Variants in PDE1A observed in about 807,000 individuals in gnomAD.
The protein encoded by PDE1A is phosphodiesterase 1A.
In PDE1A, 35 loss-of-function variants were observed where a neutral mutation model predicts 61.7. That is an observed-to-expected ratio of 0.57 (90% CI 0.43 to 0.75). PDE1A has a LOEUF of 0.75. PDE1A is among the 30% of genes least tolerant of loss of function. PDE1A has a pLI of 0.00. For missense variants in PDE1A, 597 were observed against 630.6 expected (o/e 0.95, Z 0.57); for synonymous variants, 232 against 213.2 (o/e 1.09, Z -0.77).
chr2:182,374,302 A>C (rs1325024894), intron 1 of PDE1A, among the ~76,000 whole-genome samples: 1 of 152,034 alleles, frequency 6.6e-6, no homozygotes, highest in African/African-American at 2.4e-5. Flanking sequence ...TTTATCCCCC[A>C]CCTCACACCA....
chr2:182,461,699 A>G (rs1482904610), intron 2 of PDE1A, among the ~76,000 whole-genome samples: 1 of 152,176 alleles, frequency 6.6e-6, no homozygotes, highest in African/African-American at 2.4e-5. Context: ...CGTAGGACCT[A>G]TAAATGAAGA....
chr2:182,673,168 A>G, the PDE1A span, among the ~76,000 whole-genome samples: 152,002 of 152,324 alleles, frequency 1, 75,840 homozygotes, highest in Middle Eastern at 1. Flanking sequence ...TGCCATTTTA[A>G]ACATATCATT....
the PDE1A span, among the ~76,000 whole-genome samples, chr2:182,700,539 C>T: frequency 1.2e-3 from 184 of 151,594 alleles, no homozygotes; most frequent in African/African-American, 3.8e-3. Context: ...CTGGCCAACA[C>T]GGTGAAACCC....
At chr2:182,247,095 C>T (rs560719736) in intron 2 of PDE1A, among the ~76,000 whole-genome samples, 2 of 152,226 alleles carry the variant, frequency 1.3e-5, no homozygotes, top group South Asian at 4.1e-4. Context: ...GGAGCAAATT[C>T]ACTGCTGCCA....
intron 2 of PDE1A, among the ~76,000 whole-genome samples, chr2:182,485,894 A>T (rs977490345): frequency 1.8e-4 from 28 of 152,038 alleles, no homozygotes; most frequent in Non-Finnish European, 5.9e-5. Context: ...CTTAAGACAG[A>T]ACTAAGGCAA....
chr2:182,263,085 A>G (rs73032412), intron 2 of PDE1A, among the ~76,000 whole-genome samples: 1 of 151,962 alleles, frequency 6.6e-6, no homozygotes, highest in African/African-American at 2.4e-5. Flanking sequence ...ATCTTCCCCA[A>G]GCTTAGGCCT....
chr2:182,525,093 G>A (rs774882033), upstream of PDE1A, among the ~76,000 whole-genome samples: 4 of 152,020 alleles, frequency 2.6e-5, no homozygotes, highest in Non-Finnish European at 5.9e-5. Flanking sequence ...GTTTCTTCAT[G>A]TATAAAATGA....
At chr2:182,158,130 G>A (rs1056154765) in intron 13 of PDE1A, among the ~76,000 whole-genome samples, 29 of 152,326 alleles carry the variant, frequency 1.9e-4, no homozygotes, top group African/African-American at 6.0e-4. Context: ...GTTTGTGAAC[G>A]TAGTGGTGGA....
At chr2:182,681,770 C>T in the PDE1A span, among the ~76,000 whole-genome samples, 19 of 152,132 alleles carry the variant, frequency 1.2e-4, no homozygotes, top group South Asian at 6.2e-4. Flanking sequence ...CTCAGCCTCC[C>T]GAGTAGCTGG....
At chr2:182,428,119 A>T (rs960679624), upstream of PDE1A, among the ~76,000 whole-genome samples, 7 of 152,136 alleles carry the variant, frequency 4.6e-5, no homozygotes, top group Non-Finnish European at 8.8e-5. Context: ...CCAAACTAGG[A>T]AATGTAATCA....
the PDE1A span, among the ~76,000 whole-genome samples, chr2:182,651,484 A>G: frequency 3.3e-5 from 5 of 152,238 alleles, no homozygotes; most frequent in South Asian, 6.2e-4. Flanking sequence ...ACCTATCTAC[A>G]TAGTTAGAAC....
the PDE1A span, among the ~76,000 whole-genome samples, chr2:182,626,077 T>G: frequency 3.3e-5 from 5 of 152,230 alleles, no homozygotes; most frequent in South Asian, 2.1e-4. Flanking sequence ...TGCTCCCTGC[T>G]GCCTTTGAAA....
chr2:182,275,783 T>G (rs1693366078), intron 1 of PDE1A, among the ~76,000 whole-genome samples: 1 of 152,134 alleles, frequency 6.6e-6, no homozygotes, highest in Non-Finnish European at 1.5e-5. Context: ...GCCATTTTAT[T>G]GAAACATTGC....
chr2:182,236,870 T>C (rs191862525), intron 3 of PDE1A, among the ~76,000 whole-genome samples: 1 of 152,266 alleles, frequency 6.6e-6, no homozygotes, highest in East Asian at 1.9e-4. Context: ...ACAAAGAGGA[T>C]TACCCTTCCA....
At chr2:182,704,328 C>A in the PDE1A span, among the ~76,000 whole-genome samples, 2 of 152,004 alleles carry the variant, frequency 1.3e-5, no homozygotes, top group African/African-American at 2.4e-5. Flanking sequence ...GAAGTTGCTG[C>A]AGCTATTCAG....
Position 182,212,461 on chromosome 2 carries a change from A to G in PDE1A, c.777-6396T>C, listed in dbSNP as rs531786337. 8.5e-5 allele frequency among the ~76,000 whole-genome samples: 13 copies of G among 152,304 alleles called. No homozygotes were observed. The East Asian group carries it at 2.5e-3, about 30-fold the overall frequency. On this transcript the variant is annotated intron_variant, in intron 7 of 13. Coordinates refer to ENST00000351439, the Ensembl canonical transcript of PDE1A. ...GCTCCGGTCTACAGCTCCCAGCGTG[A>G]GCGACGCAGAAGACGGTGATTTCTG...
the PDE1A span, among the ~76,000 whole-genome samples, chr2:182,592,989 G>A: frequency 6.6e-6 from 1 of 152,054 alleles, no homozygotes; most frequent in Non-Finnish European, 1.5e-5. Flanking sequence ...CCACCTAGAA[G>A]GAGGTTCAGT....
At chr2:182,517,082 G>A (rs1475426271) in intron 2 of PDE1A, among the ~76,000 whole-genome samples, 1 of 152,158 alleles carries the variant, frequency 6.6e-6, no homozygotes, top group African/African-American at 2.4e-5. Flanking sequence ...GAGTTTTAAG[G>A]AGAACCATTG....
exon 8 of PDE1A, chr2:182,206,009 C>T: frequency 1.2e-6 from 2 of 1,612,518 alleles, no homozygotes; most frequent in Non-Finnish European, 1.7e-6. Flanking sequence ...ATAAGCTGCA[C>T]TCACGTGGTG....
Sources: allele counts gnomAD v4.1 joint callset (sites outside exome capture counted in the v4.1 genomes callset), GRCh38; gene constraint gnomAD v4.1.1; transcripts MANE v1.5; gene names NCBI Gene and HGNC (gene_info 2026-07-23, HGNC 2026-07-21).